LRRTM4: variants seen among roughly 807,000 people sequenced by gnomAD.
The protein encoded by LRRTM4 is leucine rich repeat transmembrane neuronal 4.
Under a neutral mutation model 47.6 loss-of-function variants are expected in LRRTM4, and 25 were observed. The observed-to-expected ratio is 0.53, with a 90% CI of 0.38 to 0.73. The LOEUF (loss-of-function observed/expected upper bound fraction) is 0.73, where lower values mean the gene tolerates loss of function less well. LRRTM4 is among the 30% of genes least tolerant of loss of function. The probability of loss-of-function intolerance (pLI) is 0.00; values close to 1 mark genes in which losing one functional copy is unlikely to be tolerated. For synonymous variants in LRRTM4, 311 were observed against 269.5 expected (o/e 1.15, Z -1.51); for missense variants, 638 against 713.4 (o/e 0.89, Z 1.20).
chr2:76,818,777 T>A (rs1573163986), intron 3 of LRRTM4, among the ~76,000 whole-genome samples: 1 of 151,602 alleles, frequency 6.6e-6, no homozygotes, highest in East Asian at 1.9e-4. Flanking sequence ...CCTACTAATA[T>A]TATTCAAAAA....
At chr2:76,899,228 G>A (rs1359421913) in intron 3 of LRRTM4, among the ~76,000 whole-genome samples, 3 of 151,432 alleles carry the variant, frequency 2.0e-5, no homozygotes, top group Non-Finnish European at 4.4e-5. Flanking sequence ...GAGAGATGCT[G>A]GGACACAGAA....
At chr2:77,297,033 C>T (rs1177679806) in intron 3 of LRRTM4, among the ~76,000 whole-genome samples, 1 of 152,110 alleles carries the variant, frequency 6.6e-6, no homozygotes, top group African/African-American at 2.4e-5. Context: ...AATGGAGATT[C>T]CTCCAGTATG....
At chr2:77,361,999 G>A (rs1354369355) in intron 3 of LRRTM4, among the ~76,000 whole-genome samples, 1 of 151,924 alleles carries the variant, frequency 6.6e-6, no homozygotes, top group East Asian at 1.9e-4. Context: ...TGAGGCAGGA[G>A]AATCACTTGG....
chr2:77,266,958 T>G (rs147528668), intron 3 of LRRTM4, among the ~76,000 whole-genome samples: 65 of 152,214 alleles, frequency 4.3e-4, no homozygotes, highest in African/African-American at 1.6e-3. Context: ...AGCAAAAATA[T>G]GGACACACTG....
chr2:77,411,413 C>G, intron 3 of LRRTM4, among the ~76,000 whole-genome samples: 1 of 145,446 alleles, frequency 6.9e-6, no homozygotes, highest in East Asian at 2.0e-4. Flanking sequence ...TTATTTCTCT[C>G]TTTCTTGTTT....
intron 3 of LRRTM4, among the ~76,000 whole-genome samples, chr2:77,165,878 G>C (rs540939427): frequency 6.6e-6 from 1 of 152,132 alleles, no homozygotes; most frequent in Non-Finnish European, 1.5e-5. Flanking sequence ...AAAACTGGAA[G>C]CATTCCCTTT....
At chr2:76,788,734 A>G (rs1332358462) in intron 3 of LRRTM4, among the ~76,000 whole-genome samples, 1 of 152,158 alleles carries the variant, frequency 6.6e-6, no homozygotes, top group African/African-American at 2.4e-5. Flanking sequence ...TATCAATGTG[A>G]TTTCAGAAAG....
chr2:77,498,143 C>T (rs890550231), intron 3 of LRRTM4, among the ~76,000 whole-genome samples: 2 of 151,826 alleles, frequency 1.3e-5, no homozygotes, highest in Non-Finnish European at 2.9e-5. Flanking sequence ...CCATGTCAGT[C>T]TATGGCATTT....
intron 3 of LRRTM4, among the ~76,000 whole-genome samples, chr2:76,904,010 T>G (rs1316209885): frequency 1.3e-5 from 2 of 152,224 alleles, no homozygotes; most frequent in Non-Finnish European, 2.9e-5. Flanking sequence ...GTGAAAATGT[T>G]GAAAGCCCAG....
At chr2:77,396,695 T>TTATTGGTGGAACTAGGCAATA (rs1329525034) in intron 3 of LRRTM4, among the ~76,000 whole-genome samples, 1 of 151,926 alleles carries the variant, frequency 6.6e-6, no homozygotes, top group Non-Finnish European at 1.5e-5. Context: ...AAGAGGCTAT[T>TTATTGGTGGAACTAGGCAATA]TATTGGTGGA....
intron 3 of LRRTM4, among the ~76,000 whole-genome samples, chr2:76,859,135 C>A (rs1209293263): frequency 2.0e-5 from 3 of 152,074 alleles, no homozygotes; most frequent in Non-Finnish European, 4.4e-5. Context: ...CATAAAAATA[C>A]CATAAAGTAG....
intron 3 of LRRTM4, among the ~76,000 whole-genome samples, chr2:76,948,311 T>G (rs1675389081): frequency 6.6e-6 from 1 of 151,874 alleles, no homozygotes; most frequent in Non-Finnish European, 1.5e-5. Context: ...TTAATTAGAA[T>G]GGAGAGGTGT....
chr2:76,767,502 A>C (rs982296541), intron 3 of LRRTM4, among the ~76,000 whole-genome samples: 3 of 152,202 alleles, frequency 2.0e-5, no homozygotes, highest in Non-Finnish European at 4.4e-5. Context: ...GTGGTTCTTA[A>C]GACTTGTGCT....
At chr2:76,932,843 A>C (rs1000414335) in intron 3 of LRRTM4, among the ~76,000 whole-genome samples, 9 of 152,050 alleles carry the variant, frequency 5.9e-5, no homozygotes, top group African/African-American at 2.2e-4. Context: ...TTTGGTATTT[A>C]ATTTTTTAAA....
chr2:77,082,511 A>G (rs564121095), intron 3 of LRRTM4, among the ~76,000 whole-genome samples: 6 of 152,268 alleles, frequency 3.9e-5, no homozygotes, highest in African/African-American at 1.4e-4. Flanking sequence ...AACATCACTT[A>G]AAGCCTTTAC....
chr2:77,149,722 G>T (rs1188142112), intron 3 of LRRTM4, among the ~76,000 whole-genome samples: 1 of 152,182 alleles, frequency 6.6e-6, no homozygotes, highest in Non-Finnish European at 1.5e-5. Flanking sequence ...TTCTGAATGT[G>T]CCTTGGCAGA....
chr2:77,099,193 G>T (rs1029386530), intron 3 of LRRTM4, among the ~76,000 whole-genome samples: 5 of 151,710 alleles, frequency 3.3e-5, no homozygotes, highest in Admixed American at 2.0e-4. Context: ...ATCTAAAATA[G>T]TATTAATTAT....
intron 3 of LRRTM4, among the ~76,000 whole-genome samples, chr2:77,499,224 C>G (rs561714456): frequency 6.6e-6 from 1 of 151,922 alleles, no homozygotes; most frequent in South Asian, 2.1e-4. Context: ...ATGCTCAGGA[C>G]AGATCTCAGC....
chr2:76,863,635 C>T (rs1672381339), intron 3 of LRRTM4, among the ~76,000 whole-genome samples: 2 of 152,102 alleles, frequency 1.3e-5, no homozygotes, highest in South Asian at 4.1e-4. Context: ...ATCTTTTATT[C>T]TCCCCTTTCC....
Sources: allele counts gnomAD v4.1 joint callset (sites outside exome capture counted in the v4.1 genomes callset), GRCh38; gene constraint gnomAD v4.1.1; transcripts MANE v1.5; gene names NCBI Gene and HGNC (gene_info 2026-07-23, HGNC 2026-07-21).